Variants in ABRAXAS2 observed in about 807,000 individuals in gnomAD.
ABRAXAS2 encodes the protein BRISC complex subunit Abraxas 2.
Under a neutral mutation model 49.0 loss-of-function variants are expected in ABRAXAS2, and 23 were observed. The ratio of observed to expected loss-of-function variants is 0.47; its 90% CI spans 0.34 to 0.66. ABRAXAS2 has a LOEUF of 0.66. Ranked by LOEUF, ABRAXAS2 falls within the 30% of genes least tolerant of loss-of-function variation. The pLI, the probability that ABRAXAS2 is intolerant of heterozygous loss-of-function variation, is 0.01. For missense variants in ABRAXAS2, 443 were observed against 511.9 expected (o/e 0.87, Z 1.30); for synonymous variants, 168 against 180.2 (o/e 0.93, Z 0.54).
intron 4 of ABRAXAS2, among the ~76,000 whole-genome samples, chr10:124,819,985 T>C (rs1950851593): frequency 6.6e-6 from 1 of 152,222 alleles, no homozygotes; most frequent in African/African-American, 2.4e-5. Context: ...TTATACTATG[T>C]ATGGGTTTTA....
At chr10:124,814,501 A>G (rs1189424800) in intron 2 of ABRAXAS2, among the ~76,000 whole-genome samples, 5 of 150,582 alleles carry the variant, frequency 3.3e-5, no homozygotes, top group Non-Finnish European at 7.4e-5. Context: ...ACAGGTACCC[A>G]CCATCATGCC....
At chr10:124,805,504 A>G (rs1445470127) in intron 1 of ABRAXAS2, among the ~76,000 whole-genome samples, 3 of 152,182 alleles carry the variant, frequency 2.0e-5, no homozygotes, top group South Asian at 2.1e-4. Context: ...TTATTCAACC[A>G]CTGTTAGTGA....
intron 8 of ABRAXAS2, among the ~76,000 whole-genome samples, chr10:124,833,752 G>A: frequency 6.6e-6 from 1 of 152,096 alleles, no homozygotes; most frequent in East Asian, 1.9e-4. Flanking sequence ...TTGTATGAGT[G>A]TGTATCAGTT....
At chr10:124,819,495 A>G (rs759548859) in intron 4 of ABRAXAS2, 45 bp downstream of exon 4, 7 of 1,530,334 alleles carry the variant, frequency 4.6e-6, no homozygotes, top group Non-Finnish European at 6.3e-6. Flanking sequence ...ATCGTTCCTT[A>G]TCACCGAAAA....
Position 124,831,374 on chromosome 10 carries a change from G to C in ABRAXAS2, c.689G>C (p.Ser230Thr), listed in dbSNP as rs200885996. 17 of 1,612,592 alleles carry C rather than the reference G, an allele frequency of 1.1e-5. No individual in the cohort carries two copies. The highest frequency in any genetic ancestry group is 1.4e-5 in the Non-Finnish European group (17 of 1,178,948). Residue 230 changes from serine to threonine, a missense_variant, in exon 8 of 9, where the codon AGT (serine) becomes ACT (threonine). Physicochemically the swap from Ser to Thr is moderately conservative, Grantham distance 58. Transcript: ENST00000298492. The part of the protein sequence containing the change: ...VQAVCADVEK[S>T]ERVVESCQAE... ...GCAGTGTGTGCAGATGTTGAAAAGA[G>C]TGAGCGAGTTGTTGAATCTTGTCAG...
At chr10:124,826,430 G>A (rs1187640166) in intron 4 of ABRAXAS2, among the ~76,000 whole-genome samples, 165 bp from the exon 5 acceptor site, 1 of 152,136 alleles carries the variant, frequency 6.6e-6, no homozygotes, top group Non-Finnish European at 1.5e-5. Flanking sequence ...TATGCCTGAA[G>A]CACAGTCTGT....
intron 1 of ABRAXAS2, among the ~76,000 whole-genome samples, chr10:124,802,947 C>T (rs1483055549): frequency 6.6e-6 from 1 of 152,176 alleles, no homozygotes; most frequent in Admixed American, 6.5e-5. Flanking sequence ...TACCTTTCAT[C>T]TCTTCAGTGT....
At chr10:124,805,958 G>A (rs988637636) in intron 1 of ABRAXAS2, among the ~76,000 whole-genome samples, 6 of 152,114 alleles carry the variant, frequency 3.9e-5, no homozygotes, top group African/African-American at 1.4e-4. Context: ...CAACTGTGGT[G>A]GTAAATGCCC....
At position 124,828,845 on chromosome 10, in the gene ABRAXAS2, A is replaced by G; in HGVS notation, c.548A>G (p.Gln183Arg). The change falls in exon 6 of 9, where the codon CAG (glutamine) becomes CGG (arginine). Residue 183 changes from glutamine to arginine, a missense_variant. Gln to Arg is a conservative substitution (Grantham distance 43). This residue lies in a region of ABRAXAS2 where 166 missense variants were observed against 247.3 expected (regional missense o/e 0.67). Coordinates refer to ENST00000298492, the MANE Select transcript of ABRAXAS2 (RefSeq NM_032182.4). The stretch of plus-strand genomic sequence containing the variant: ...GTGTCTTCAGTGCCAAATACTTCTC[A>G]GAGTTATGCCAAAGTGATTAAAGAA... ...YKVSSVPNTSQSYAKVIKEHG... is the reference protein window; with the variant it reads ...YKVSSVPNTSRSYAKVIKEHG... The G allele has an allele frequency of 6.2e-7, 1 of 1,613,866 alleles. No homozygotes were observed. Among genetic ancestry groups the G allele is most frequent in the Non-Finnish European group, 8.5e-7 (1 of 1,179,796 alleles).
intron 4 of ABRAXAS2, among the ~76,000 whole-genome samples, chr10:124,825,317 CAAAA>C (rs34358193): frequency 9.6e-6 from 1 of 103,968 alleles, no homozygotes; most frequent in Non-Finnish European, 1.8e-5. Context: ...GACTCTGTCT[CAAAA>C]AAAAAAAAAA....
At chr10:124,824,287 G>A (rs1436269324) in intron 4 of ABRAXAS2, among the ~76,000 whole-genome samples, 1 of 152,172 alleles carries the variant, frequency 6.6e-6, no homozygotes, top group Non-Finnish European at 1.5e-5. Context: ...TGTAATGCCA[G>A]CACTTTGGGA....
At chr10:124,824,881 T>C (rs549313284) in intron 4 of ABRAXAS2, among the ~76,000 whole-genome samples, 1 of 152,304 alleles carries the variant, frequency 6.6e-6, no homozygotes, top group South Asian at 2.1e-4. Context: ...GGAAAACTAC[T>C]TTTACCTTTT....
chr10:124,831,877 G>A (rs1027713631), intron 8 of ABRAXAS2, among the ~76,000 whole-genome samples: 1 of 104,772 alleles, frequency 9.5e-6, no homozygotes, highest in Non-Finnish European at 1.8e-5. Context: ...TTTTTTAGAC[G>A]GAATCTCCCT....
rs1950956478 is a variant in ABRAXAS2, at chr10:124,834,601, G to A, written c.878G>A (p.Arg293Lys). 6.2e-7 allele frequency: 1 copy of A among 1,614,092 alleles called. No homozygotes were observed. Among genetic ancestry groups the A allele is most frequent in the African/African-American group, 1.3e-5 (1 of 74,924 alleles). The change falls in exon 9 of 9, where the codon AGA becomes AAA. Residue 293 changes from arginine (R) to lysine (K), a missense_variant. By Grantham distance (26) the Arg-to-Lys change is conservative. Around this residue, in one of 3 missense-constraint regions of ABRAXAS2, gnomAD observed 230 missense variants for 237.0 expected, o/e 0.97. Coordinates refer to ENST00000298492, the MANE Select transcript of ABRAXAS2 (RefSeq NM_032182.4). ...TCCTCTGGGTTTGCAGCTGAAGGCA[G>A]AAGTACACTTGGAGATGCAGAGGCC... ...MPSSGFAAEG[R>K]STLGDAEASD...
rs940108614 is a variant in ABRAXAS2 at position 124,834,751 on chromosome 10, C to T, written c.1028C>T (p.Ala343Val). 3.1e-6 allele frequency: 5 copies of T among 1,614,012 alleles called. No homozygotes were observed. In the African/African-American group the frequency reaches 5.3e-5, roughly 17 times the overall value. The change falls in exon 9 of 9, where the codon GCT (alanine) becomes GTT (valine). Residue 343 changes from alanine (A) to valine (V), a missense_variant. This residue lies in a region of ABRAXAS2 where 230 missense variants were observed against 237.0 expected (regional missense o/e 0.97). Transcript: ENST00000298492. Reference protein sequence around the residue: ...RPQAVGSSNYASTSAGLKYPG... With the variant: ...RPQAVGSSNYVSTSAGLKYPG... ...CAAGCTGTGGGCTCTTCCAATTATG[C>T]TTCCACCAGTGCCGGACTGAAGTAT... is the stretch of plus-strand genomic sequence containing the variant.
At chr10:124,832,241 A>G (rs1397050313) in intron 8 of ABRAXAS2, among the ~76,000 whole-genome samples, 1 of 152,058 alleles carries the variant, frequency 6.6e-6, no homozygotes, top group Non-Finnish European at 1.5e-5. Context: ...AAGGTTTTAA[A>G]TGTCTAGTTT....
At chr10:124,819,302 G>A in intron 3 of ABRAXAS2, 82 bp from the exon 4 acceptor site, 2 of 1,090,594 alleles carry the variant, frequency 1.8e-6, no homozygotes, top group Non-Finnish European at 2.8e-6. Flanking sequence ...CTTCATTAGG[G>A]TTACCACAGG....
chr10:124,827,495 T>C (rs1413395690), intron 5 of ABRAXAS2, among the ~76,000 whole-genome samples: 1 of 152,208 alleles, frequency 6.6e-6, no homozygotes, highest in Non-Finnish European at 1.5e-5. Flanking sequence ...GAAGGTATTT[T>C]TCTTGTCAGT....
Position 124,813,917 on chromosome 10 carries a change from T to C in ABRAXAS2, c.164-2659T>C, listed in dbSNP as rs150457290. Among the ~76,000 whole-genome samples, 398 of 152,348 alleles carry C rather than the reference T, an allele frequency of 2.6e-3. 2 individuals carry two copies. The highest frequency in any genetic ancestry group is 9.2e-3 in the African/African-American group (381 of 41,582). ...TTCCCTGAACTCTAGGTAATATTTTTGCAACAAAGATTCTGCATCCTAATT... is the reference window on the plus strand; with the variant it reads ...TTCCCTGAACTCTAGGTAATATTTTCGCAACAAAGATTCTGCATCCTAATT... On this transcript the variant is annotated intron_variant, in intron 2 of 8. Transcript: ENST00000298492.
Sources: gnomAD v4.1 joint callset for allele counts (sites outside exome capture counted in the v4.1 genomes callset) on GRCh38, gnomAD v4.1.1 for gene constraint, gnomAD v4.1.1 regional missense constraint, MANE v1.5 for transcripts, NCBI Gene and HGNC (gene_info 2026-07-23, HGNC 2026-07-21) for gene names.